LRRC1: variants seen among roughly 807,000 people sequenced by gnomAD.
LRRC1 encodes leucine rich repeat containing 1, also known as leucine-rich repeat-containing protein 1.
In LRRC1, 28 loss-of-function variants were observed where a neutral mutation model predicts 69.9. That is an observed-to-expected ratio of 0.40 (90% CI 0.30 to 0.55). The LOEUF (loss-of-function observed/expected upper bound fraction) is 0.55. Ranked by LOEUF, LRRC1 falls within the 20% of genes least tolerant of loss-of-function variation. The pLI is 0.47. For missense variants in LRRC1, 498 were observed against 609.0 expected (o/e 0.82, Z 1.92); for synonymous variants, 236 against 240.2 (o/e 0.98, Z 0.16).
At chr6:53,916,483 C>T (rs1459597175) in intron 11 of LRRC1, among the ~76,000 whole-genome samples, 1 of 151,788 alleles carries the variant, frequency 6.6e-6, no homozygotes, top group East Asian at 1.9e-4. Context: ...AAGTGTTGAA[C>T]AGTATATAGA....
At chr6:53,832,092 G>C (rs1765443646) in intron 1 of LRRC1, among the ~76,000 whole-genome samples, 1 of 152,146 alleles carries the variant, frequency 6.6e-6, no homozygotes, top group Non-Finnish European at 1.5e-5. Flanking sequence ...ATTCTTACTT[G>C]ATGCCTCATA....
chr6:53,806,690 C>T (rs549415739), intron 1 of LRRC1, among the ~76,000 whole-genome samples: 1 of 152,256 alleles, frequency 6.6e-6, no homozygotes, highest in East Asian at 1.9e-4. Context: ...GAGGTTGCTT[C>T]ATGAGGTTTA....
At chr6:53,817,466 G>A (rs576606840) in intron 1 of LRRC1, among the ~76,000 whole-genome samples, 38 of 152,102 alleles carry the variant, frequency 2.5e-4, no homozygotes, top group South Asian at 1.5e-3. Context: ...TTCTATCTTA[G>A]TGATATTAAA....
At chr6:53,873,076 C>T (rs1766947466) in intron 2 of LRRC1, among the ~76,000 whole-genome samples, 1 of 151,754 alleles carries the variant, frequency 6.6e-6, no homozygotes, top group Non-Finnish European at 1.5e-5. Flanking sequence ...ATTCTTCTAA[C>T]CCATAAGCAC....
chr6:53,849,812 A>G (rs1766068661), intron 2 of LRRC1, among the ~76,000 whole-genome samples: 1 of 152,204 alleles, frequency 6.6e-6, no homozygotes, highest in Non-Finnish European at 1.5e-5. Context: ...AATGATTTTT[A>G]AAAACATAGT....
At chr6:53,833,378 A>G (rs947748738) in intron 1 of LRRC1, among the ~76,000 whole-genome samples, 1 of 152,172 alleles carries the variant, frequency 6.6e-6, no homozygotes, top group Non-Finnish European at 1.5e-5. Context: ...GGGCATTTAT[A>G]TCTTTGTTTA....
chr6:53,875,595 A>G (rs1767039810), intron 2 of LRRC1, among the ~76,000 whole-genome samples: 1 of 152,150 alleles, frequency 6.6e-6, no homozygotes, highest in Non-Finnish European at 1.5e-5. Context: ...ATCAGGAAAA[A>G]AATCGTAATT....
chr6:53,894,975 A>G (rs1767821362), intron 4 of LRRC1, among the ~76,000 whole-genome samples: 1 of 145,936 alleles, frequency 6.9e-6, no homozygotes, highest in African/African-American at 2.6e-5. Flanking sequence ...TCTGTCGCCC[A>G]GGCGTGATCT....
intron 1 of LRRC1, among the ~76,000 whole-genome samples, chr6:53,800,247 C>CTTT (rs55960000): frequency 1.2e-3 from 105 of 89,460 alleles, no homozygotes; most frequent in African/African-American, 2.2e-3. Context: ...GTTTCTTTTT[C>CTTT]TTTTTTTTTT....
chr6:53,872,785 C>T (rs1408964283), intron 2 of LRRC1, among the ~76,000 whole-genome samples: 1 of 115,832 alleles, frequency 8.6e-6, no homozygotes, highest in African/African-American at 3.4e-5. Flanking sequence ...GAGACAGAGT[C>T]TTGCTCTGTC....
At chr6:53,877,806 C>G (rs1562055817) in intron 2 of LRRC1, among the ~76,000 whole-genome samples, 1 of 152,216 alleles carries the variant, frequency 6.6e-6, no homozygotes, top group Non-Finnish European at 1.5e-5. Flanking sequence ...TCCAAACTTT[C>G]CCACGTTTTC....
chr6:53,884,192 G>A, intron 4 of LRRC1: 2 of 577,992 alleles, frequency 3.5e-6, no homozygotes, highest in Non-Finnish European at 3.1e-6. Flanking sequence ...GCTGTATCAA[G>A]TGTCAGATAT....
At chr6:53,849,942 G>A (rs1163815576) in intron 2 of LRRC1, among the ~76,000 whole-genome samples, 1 of 152,002 alleles carries the variant, frequency 6.6e-6, no homozygotes, top group East Asian at 1.9e-4. Context: ...GGGGGATAGA[G>A]CAAGTCCCTT....
chr6:53,838,962 G>C (rs912050244), intron 1 of LRRC1, among the ~76,000 whole-genome samples: 5 of 151,992 alleles, frequency 3.3e-5, no homozygotes, highest in African/African-American at 1.2e-4. Flanking sequence ...CTTCCTGTCA[G>C]TCCACATGCA....
intron 2 of LRRC1, among the ~76,000 whole-genome samples, chr6:53,845,593 G>T (rs1159851037): frequency 6.6e-6 from 1 of 152,160 alleles, no homozygotes; most frequent in Non-Finnish European, 1.5e-5. Context: ...GTTTGTAGCA[G>T]GGTTATAACC....
At chr6:53,887,065 G>A (rs1176928034) in intron 4 of LRRC1, among the ~76,000 whole-genome samples, 3 of 152,126 alleles carry the variant, frequency 2.0e-5, no homozygotes, top group Admixed American at 6.6e-5. Context: ...ATCATAGGCA[G>A]TCAAGCTCAG....
chr6:53,907,541 G>A (rs955911524), intron 10 of LRRC1, among the ~76,000 whole-genome samples: 2 of 152,170 alleles, frequency 1.3e-5, no homozygotes, highest in Non-Finnish European at 2.9e-5. Context: ...ATCAATGAAT[G>A]TCTTTTGTTT....
intron 1 of LRRC1, among the ~76,000 whole-genome samples, chr6:53,822,206 G>A (rs992732370): frequency 1.3e-5 from 2 of 152,132 alleles, no homozygotes; most frequent in African/African-American, 4.8e-5. Flanking sequence ...AAATGCAGAG[G>A]AGTTGGGGAG....
At chr6:53,907,324 A>C (rs1465056440) in intron 10 of LRRC1, among the ~76,000 whole-genome samples, 4 of 152,188 alleles carry the variant, frequency 2.6e-5, no homozygotes, top group Non-Finnish European at 5.9e-5. Flanking sequence ...TATGCTGTGT[A>C]GTTCTTCCTA....
Sources: allele counts gnomAD v4.1 joint callset (sites outside exome capture counted in the v4.1 genomes callset), GRCh38; gene constraint gnomAD v4.1.1; transcripts MANE v1.5; gene names NCBI Gene and HGNC (gene_info 2026-07-23, HGNC 2026-07-21).